CNTN3: variants seen among roughly 807,000 people sequenced by gnomAD.
CNTN3 encodes the protein contactin 3, also known as contactin-3.
In CNTN3, 60 loss-of-function variants were observed where a neutral mutation model predicts 119.1. That is an observed-to-expected ratio of 0.50 (90% confidence interval 0.41 to 0.62). CNTN3 has a LOEUF of 0.62. Ranked by LOEUF, CNTN3 falls within the 20% of genes least tolerant of loss-of-function variation. The probability of loss-of-function intolerance (pLI) is 0.00; values close to 1 mark genes in which losing one functional copy is unlikely to be tolerated. For missense variants in CNTN3, 1,101 were observed against 1,242.4 expected, an observed-to-expected ratio of 0.89 and a Z score of 1.71; for synonymous variants, 450 against 438.7, an observed-to-expected ratio of 1.03 and a Z score of -0.32.
chr3:74,402,524 C>A (rs972998390), intron 5 of CNTN3, among the ~76,000 whole-genome samples: 2 of 152,206 alleles, frequency 1.3e-5, no homozygotes, highest in East Asian at 1.9e-4. Flanking sequence ...AAGTAGGTGG[C>A]AAATGACATT....
chr3:74,480,075 A>G (rs7430041), intron 4 of CNTN3, among the ~76,000 whole-genome samples: 19,053 of 152,138 alleles, frequency 0.13, 1,199 homozygotes, highest in Non-Finnish European at 0.13. Context: ...AACACTGAAT[A>G]TTGACCTAGC....
In CNTN3 at chr3:74,266,565, C is replaced by G. The variant is rs766635550; in HGVS notation, c.2902G>C (p.Glu968Gln). 1 of 1,613,616 alleles carries G rather than the reference C, an allele frequency of 6.2e-7. No individual in the cohort carries two copies. The highest frequency in any genetic ancestry group is 8.5e-7 in the Non-Finnish European group (1 of 1,179,618). ...TSAELVLPIKEDYIIEVKATT... is the reference protein window; with the variant it reads ...TSAELVLPIKQDYIIEVKATT... ...GCCTTGACTTCAATAATGTAGTCCT[C>G]TTTAATGGGCAGCACAAGTTCAGCT... Residue 968 changes from glutamate (E) to glutamine (Q), a missense_variant, in exon 22 of 23, where the codon GAG (glutamate) becomes CAG (glutamine). Transcript: ENST00000263665.
intron 5 of CNTN3, among the ~76,000 whole-genome samples, chr3:74,407,434 A>ATT (rs1317765924): frequency 1.3e-3 from 85 of 63,690 alleles, no homozygotes; most frequent in Middle Eastern, 7.0e-3. Flanking sequence ...ACGCCTGGCT[A>ATT]ATTTTTTTTT....
chr3:74,485,010 T>C (rs531541502), intron 4 of CNTN3, among the ~76,000 whole-genome samples: 1 of 152,300 alleles, frequency 6.6e-6, no homozygotes, highest in South Asian at 2.1e-4. Flanking sequence ...GGTCTAGTAG[T>C]TGGCAGTAAT....
intron 1 of CNTN3, among the ~76,000 whole-genome samples, chr3:74,540,520 C>G (rs1168937957): frequency 6.6e-6 from 1 of 151,810 alleles, no homozygotes; most frequent in Non-Finnish European, 1.5e-5. Context: ...TATTTACTTA[C>G]TATACGTCAG....
intron 5 of CNTN3, among the ~76,000 whole-genome samples, chr3:74,404,185 C>T (rs1208188933): frequency 6.6e-6 from 1 of 152,080 alleles, no homozygotes; most frequent in Non-Finnish European, 1.5e-5. Flanking sequence ...ACCTCAACTG[C>T]TGGGCTAAAT....
chr3:74,498,351 AT>A (rs1347239356), intron 3 of CNTN3, among the ~76,000 whole-genome samples: 1 of 151,890 alleles, frequency 6.6e-6, no homozygotes, highest in Non-Finnish European at 1.5e-5. Flanking sequence ...TGTCTGATTA[AT>A]GGAACTAGTT....
intron 1 of CNTN3, among the ~76,000 whole-genome samples, chr3:74,546,583 T>C (rs991403679): frequency 1.3e-5 from 2 of 152,202 alleles, no homozygotes; most frequent in African/African-American, 2.4e-5. Context: ...GGATCCTTCC[T>C]GCTCTCAAAC....
At chr3:74,595,427 G>A (rs1405121977) in intron 1 of CNTN3, among the ~76,000 whole-genome samples, 1 of 151,944 alleles carries the variant, frequency 6.6e-6, no homozygotes, top group Non-Finnish European at 1.5e-5. Flanking sequence ...ATGGTTTTAG[G>A]TCTAACATTT....
chr3:74,527,276 G>A (rs983780115), intron 1 of CNTN3, among the ~76,000 whole-genome samples: 3 of 151,900 alleles, frequency 2.0e-5, no homozygotes, highest in African/African-American at 7.2e-5. Flanking sequence ...TAAATAATGA[G>A]ATTGTTTTTT....
At chr3:74,576,451 AT>A (rs1458974775) in intron 1 of CNTN3, among the ~76,000 whole-genome samples, 2 of 152,136 alleles carry the variant, frequency 1.3e-5, no homozygotes, top group Non-Finnish European at 2.9e-5. Context: ...AGTACACACA[AT>A]TTCTTGAGCA....
chr3:74,308,958 A>G (rs1702622413), intron 13 of CNTN3, among the ~76,000 whole-genome samples: 1 of 152,236 alleles, frequency 6.6e-6, no homozygotes, highest in Admixed American at 6.5e-5. Context: ...ACTGTCCAAA[A>G]TAATTTAAAT....
intron 5 of CNTN3, among the ~76,000 whole-genome samples, chr3:74,414,487 T>C (rs1701488074): frequency 6.6e-6 from 1 of 152,196 alleles, no homozygotes; most frequent in Admixed American, 6.5e-5. Flanking sequence ...TGTTTCAAAG[T>C]ATGGCTTAAA....
chr3:74,286,192 A>T (rs1038795686), intron 19 of CNTN3, among the ~76,000 whole-genome samples: 1 of 152,118 alleles, frequency 6.6e-6, no homozygotes, highest in Non-Finnish European at 1.5e-5. Flanking sequence ...TTGACAGAAC[A>T]TGAAGGTAGC....
chr3:74,477,105 A>C (rs1369730580), intron 4 of CNTN3, among the ~76,000 whole-genome samples: 2 of 152,152 alleles, frequency 1.3e-5, no homozygotes, highest in Non-Finnish European at 2.9e-5. Flanking sequence ...TAAAAATGAT[A>C]ATCGCATGCA....
intron 1 of CNTN3, among the ~76,000 whole-genome samples, chr3:74,558,934 G>C (rs1704109926): frequency 6.6e-6 from 1 of 151,318 alleles, no homozygotes; most frequent in African/African-American, 2.4e-5. Flanking sequence ...AGTGAGCTGA[G>C]ATTGTGTCAC....
Position 74,484,228 on chromosome 3 carries a change from G to T in CNTN3, c.358+2228C>A, listed in dbSNP as rs902400033. On this transcript the variant is annotated intron_variant, in intron 4 of 22. Transcript: ENST00000263665. ...GTAGACAAAGACTGAGTTTAGACAA[G>T]ATTTGTTTTAGAACCTATTGAACAT... Among the ~76,000 whole-genome samples, 12 of 152,230 alleles carry T rather than the reference G, an allele frequency of 7.9e-5. No individual in the cohort carries two copies. The East Asian group carries it at 2.3e-3, about 29-fold the overall frequency.
At chr3:74,607,308 G>A (rs1705009279) in intron 1 of CNTN3, among the ~76,000 whole-genome samples, 1 of 152,176 alleles carries the variant, frequency 6.6e-6, no homozygotes, top group Non-Finnish European at 1.5e-5. Context: ...GACCAAGTGA[G>A]TAGCAGGCAT....
chr3:74,556,297 G>C (rs1298212995), intron 1 of CNTN3, among the ~76,000 whole-genome samples: 2 of 151,974 alleles, frequency 1.3e-5, no homozygotes, highest in Non-Finnish European at 2.9e-5. Context: ...TCTGTAGCAG[G>C]CTCCCCTCTT....
Sources: gnomAD v4.1 joint callset for allele counts (sites outside exome capture counted in the v4.1 genomes callset) on GRCh38, gnomAD v4.1.1 for gene constraint, MANE v1.5 for transcripts, NCBI Gene and HGNC (gene_info 2026-07-23, HGNC 2026-07-21) for gene names.